The following PCDHGA6 variants were observed in gnomAD, a reference collection of about 807,000 sequenced individuals.
PCDHGA6 encodes the protein protocadherin gamma-A6.
PCDHGA6 carries 41 observed loss-of-function variants against 60.6 expected under a neutral mutation model. The ratio of observed to expected loss-of-function variants is 0.68; its 90% CI spans 0.53 to 0.88. The LOEUF (loss-of-function observed/expected upper bound fraction) is 0.88, where lower values mean the gene tolerates loss of function less well. Ranked by LOEUF, PCDHGA6 falls within the 40% of genes least tolerant of loss-of-function variation. PCDHGA6 has a pLI of 0.00. For synonymous variants in PCDHGA6, 594 were observed against 524.4 expected (o/e 1.13, Z -1.81); for missense variants, 1,312 against 1,203.0 (o/e 1.09, Z -1.34).
At position 141,398,766 on chromosome 5, in the gene PCDHGA6, T is replaced by A. The variant is rs775055352; in HGVS notation, c.2424+22259T>A. On this transcript the variant is annotated intron_variant, in intron 1 of 3. Coordinates refer to ENST00000517434, the MANE Select transcript of PCDHGA6 (RefSeq NM_018919.3). ...AGAGTTACCATCGTTTAGTCCTGACTGCCTTGGACGGTGGACATCCACCCC... is the reference window on the plus strand; with the variant it reads ...AGAGTTACCATCGTTTAGTCCTGACAGCCTTGGACGGTGGACATCCACCCC... 2.1e-5 allele frequency: 34 copies of A among 1,613,844 alleles called. 1 individual carries two copies. In the South Asian group the frequency reaches 3.1e-4, roughly 15 times the overall value.
Position 141,490,611 on chromosome 5 carries a change from G to GCTTTA in PCDHGA6, c.2425-4194_2425-4190dup. On this transcript the variant is annotated intron_variant, in intron 1 of 3. Coordinates refer to ENST00000517434, the MANE Select transcript of PCDHGA6 (RefSeq NM_018919.3). The surrounding 1 kb of genome is among the most constrained non-coding windows in gnomAD (Gnocchi z 5.4). The stretch of plus-strand genomic sequence containing the variant: ...ACAATGCACCCCGCTTCAACCAGCA[G>GCTTTA]CTTTACACTGCTTACATCCTAGAAA... 6.2e-7 allele frequency: 1 copy of GCTTTA among 1,614,170 alleles called. No individual in the cohort carries two copies. Among genetic ancestry groups the GCTTTA allele is most frequent in the Non-Finnish European group, 8.5e-7 (1 of 1,180,036 alleles).
At chr5:141,510,900 G>A in intron 3 of PCDHGA6, 47 bp from the exon 4 acceptor site, 6 of 1,613,378 alleles carry the variant, frequency 3.7e-6, no homozygotes, top group Non-Finnish European at 5.1e-6. Context: ...AGTGACTGTT[G>A]AGGACCCTAA....
chr5:141,403,707 T>C (rs2094445205), intron 1 of PCDHGA6: 2 of 1,613,778 alleles, frequency 1.2e-6, no homozygotes, highest in African/African-American at 2.7e-5. Flanking sequence ...GTTAAAGTCC[T>C]TGAGAACGTG....
chr5:141,392,649 C>G, intron 1 of PCDHGA6: 1 of 703,200 alleles, frequency 1.4e-6, no homozygotes, highest in Non-Finnish European at 2.2e-6. Flanking sequence ...CACGAAGACC[C>G]GCAGATGCCA....
Position 141,376,043 on chromosome 5 carries a change from C to G in PCDHGA6, c.1960C>G (p.Leu654Val), listed in dbSNP as rs201022484. The G allele has an allele frequency of 6.2e-7, 1 of 1,613,172 alleles. No homozygotes were observed. The highest frequency in any genetic ancestry group is 8.5e-7 in the Non-Finnish European group (1 of 1,179,846). The change falls in exon 1 of 4, where the codon CTC (leucine) becomes GTC (valine). Residue 654 changes from leucine (L) to valine (V), a missense_variant. Coordinates refer to ENST00000517434, the MANE Select transcript of PCDHGA6 (RefSeq NM_018919.3). ...VAVQDHGQPP[L>V]SATVTLTVAV... is the part of the protein sequence containing the mutation. Reference sequence around the variant, plus strand: ...CGTCCAGGACCACGGCCAGCCCCCTCTCTCCGCCACTGTCACGCTCACCGT... The same window carrying G: ...CGTCCAGGACCACGGCCAGCCCCCTGTCTCCGCCACTGTCACGCTCACCGT...
intron 1 of PCDHGA6, chr5:141,420,396 A>C: frequency 8.0e-7 from 1 of 1,250,930 alleles, no homozygotes; most frequent in Non-Finnish European, 1.1e-6. Context: ...ATATAGGTCA[A>C]ATTTATGGTT....
intron 1 of PCDHGA6, chr5:141,394,095 G>A: frequency 6.2e-7 from 1 of 1,613,848 alleles, no homozygotes; most frequent in Non-Finnish European, 8.5e-7. Context: ...CTCAGATCTA[G>A]GAACACCACC....
chr5:141,394,997 C>T lies in PCDHGA6; in HGVS notation c.2424+18490C>T, dbSNP rs771459458. On this transcript the variant is annotated intron_variant, in intron 1 of 3. Coordinates refer to ENST00000517434, the MANE Select transcript of PCDHGA6 (RefSeq NM_018919.3). ...ACAAGTCACGCCTGCTCCAGGATTC[C>T]GGTGGCAGATTGGTAGGCGTGCCTG... 3.4e-5 allele frequency: 55 copies of T among 1,613,898 alleles called. No individual in the cohort carries two copies. In the East Asian group the frequency reaches 1.1e-3, roughly 32 times the overall value.
chr5:141,419,933 C>CTGG (rs1192896428), intron 1 of PCDHGA6: 1 of 1,613,952 alleles, frequency 6.2e-7, no homozygotes, highest in African/African-American at 1.3e-5. Context: ...GCAGTTTTAC[C>CTGG]TGGTGGTGGC....
chr5:141,438,358 G>A (rs1160913890), intron 1 of PCDHGA6, among the ~76,000 whole-genome samples: 1 of 151,634 alleles, frequency 6.6e-6, no homozygotes. Context: ...TCTGTGTATT[G>A]TCATTGAGGG....
chr5:141,383,755 C>T, intron 1 of PCDHGA6: 1 of 1,613,958 alleles, frequency 6.2e-7, no homozygotes, highest in Non-Finnish European at 8.5e-7. Context: ...GAAAATAACT[C>T]CTAAACTTCC....
chr5:141,435,929 G>A (rs926025053), intron 1 of PCDHGA6, among the ~76,000 whole-genome samples: 10 of 152,134 alleles, frequency 6.6e-5, no homozygotes, highest in African/African-American at 2.4e-4. Flanking sequence ...TGCGGCAGTT[G>A]CTGCTTCTGA....
At chr5:141,422,032 G>A in intron 1 of PCDHGA6, 1 of 1,611,280 alleles carries the variant, frequency 6.2e-7, no homozygotes, top group Non-Finnish European at 8.5e-7. Context: ...TAATGCAACG[G>A]ATCCAGACGA....
chr5:141,390,523 G>T, intron 1 of PCDHGA6: 1 of 556,304 alleles, frequency 1.8e-6, no homozygotes, highest in South Asian at 2.2e-5. Context: ...AGCAATGAGG[G>T]TGTGGTTTTA....
intron 1 of PCDHGA6, among the ~76,000 whole-genome samples, chr5:141,453,993 A>T (rs2098779172): frequency 6.6e-6 from 1 of 152,234 alleles, no homozygotes; most frequent in African/African-American, 2.4e-5. Flanking sequence ...CCAGTGATAA[A>T]CCCACATAAC....
chr5:141,478,927 C>T (rs2154577116), intron 1 of PCDHGA6: 2 of 690,162 alleles, frequency 2.9e-6, no homozygotes, highest in East Asian at 6.0e-5. Flanking sequence ...TAACCAGTGG[C>T]AGCTTCTAGG....
chr5:141,426,766 T>C (rs2096958771), intron 1 of PCDHGA6: 1 of 456,532 alleles, frequency 2.2e-6, no homozygotes, highest in South Asian at 1.5e-5. Flanking sequence ...GATGCAGATG[T>C]AGGGCCTCAC....
At chr5:141,467,564 G>A (rs926613546) in intron 1 of PCDHGA6, among the ~76,000 whole-genome samples, 5 of 152,152 alleles carry the variant, frequency 3.3e-5, no homozygotes, top group Admixed American at 3.3e-4. Flanking sequence ...TTCCCAAATG[G>A]CTATCCAGTT....
chr5:141,431,622 C>T lies in PCDHGA6; in HGVS notation c.2424+55115C>T, dbSNP rs761448407. 3 of 1,614,070 alleles carry T rather than the reference C, an allele frequency of 1.9e-6. No individual in the cohort carries two copies. The African/African-American group carries it at 4.0e-5, about 22-fold the overall frequency. ...TCCTTCCGGTATGTGGACGACAAGGCGGCCCAAGTTTTCAAACTAGATTGT... is the reference window on the plus strand; with the variant it reads ...TCCTTCCGGTATGTGGACGACAAGGTGGCCCAAGTTTTCAAACTAGATTGT... On this transcript the variant is annotated intron_variant, in intron 1 of 3. Transcript: ENST00000517434. The surrounding 1 kb of genome is among the most constrained non-coding windows in gnomAD (Gnocchi z 4.8).
Sources: allele counts gnomAD v4.1 joint callset (sites outside exome capture counted in the v4.1 genomes callset), GRCh38; gene constraint gnomAD v4.1.1; non-coding constraint Gnocchi (gnomAD v3.1); transcripts MANE v1.5; gene names NCBI Gene and HGNC (gene_info 2026-07-23, HGNC 2026-07-21).